GRID2: variants seen among roughly 807,000 people sequenced by gnomAD.
The protein encoded by GRID2 is glutamate ionotropic receptor delta type subunit 2.
In GRID2, 33 loss-of-function variants were observed where a neutral mutation model predicts 114.8. The ratio of observed to expected loss-of-function variants is 0.29; its 90% CI spans 0.22 to 0.38. The LOEUF (loss-of-function observed/expected upper bound fraction) is 0.38. Among genes scored for constraint, GRID2 ranks in the 10% least tolerant of loss-of-function variants. The probability of loss-of-function intolerance (pLI) is 1.00; values close to 1 mark genes in which losing one functional copy is unlikely to be tolerated. For missense variants in GRID2, 1,184 were observed against 1,257.7 expected (o/e 0.94, Z 0.89); for synonymous variants, 505 against 449.9 (o/e 1.12, Z -1.55).
intron 3 of GRID2, among the ~76,000 whole-genome samples, chr4:93,105,439 A>G (rs969839419): frequency 6.6e-6 from 1 of 152,140 alleles, no homozygotes; most frequent in Non-Finnish European, 1.5e-5. Flanking sequence ...TTATGGTTTT[A>G]GGTCTAACGT....
intron 13 of GRID2, among the ~76,000 whole-genome samples, chr4:93,593,568 G>A (rs375557054): frequency 4.0e-4 from 58 of 146,472 alleles, no homozygotes; most frequent in Non-Finnish European, 5.7e-4. Context: ...TCTTTGTGGC[G>A]TTCTCTGTAT....
chr4:93,429,263 A>G (rs532959915), intron 10 of GRID2, among the ~76,000 whole-genome samples: 2 of 152,320 alleles, frequency 1.3e-5, no homozygotes, highest in African/African-American at 2.4e-5. Context: ...CCATCCCTAT[A>G]AGGCTCACAG....
At chr4:92,698,583 T>C (rs116237971) in intron 2 of GRID2, among the ~76,000 whole-genome samples, 9 of 152,098 alleles carry the variant, frequency 5.9e-5, no homozygotes, top group African/African-American at 2.2e-4. Context: ...TTTTATACTT[T>C]TAGAAATGTC....
chr4:92,379,806 A>T (rs1196824906), intron 1 of GRID2, among the ~76,000 whole-genome samples: 1 of 152,034 alleles, frequency 6.6e-6, no homozygotes, highest in Admixed American at 6.6e-5. Context: ...AGATGGCTAG[A>T]GCTTATTTTA....
At chr4:92,394,365 T>A (rs1730392127) in intron 1 of GRID2, among the ~76,000 whole-genome samples, 2 of 152,208 alleles carry the variant, frequency 1.3e-5, no homozygotes, top group South Asian at 4.1e-4. Context: ...ACCATAATTT[T>A]AATAAAACTT....
intron 1 of GRID2, among the ~76,000 whole-genome samples, chr4:92,343,243 A>C (rs577272259): frequency 5.3e-4 from 81 of 151,848 alleles, no homozygotes; most frequent in Non-Finnish European, 1.2e-4. Context: ...CCAACTGCAA[A>C]AAAAAAAGCT....
intron 1 of GRID2, among the ~76,000 whole-genome samples, chr4:92,565,630 G>A (rs1397811604): frequency 1.3e-5 from 2 of 151,694 alleles, no homozygotes; most frequent in African/African-American, 4.8e-5. Flanking sequence ...ACTGGTATCT[G>A]ACTTCAGTTT....
rs1482576698 is a variant in GRID2, at chr4:93,134,804, T to G, written c.735+23851T>G. On this transcript the variant is annotated intron_variant, in intron 4 of 15. Transcript: ENST00000282020. ...TGGGTAGTAGAGGTCCCTTCACCAA[T>G]TCTACCCAGTGGCTATAAGAAGCAA... Among the ~76,000 whole-genome samples, 7 of 152,146 alleles carry G rather than the reference T, an allele frequency of 4.6e-5. No homozygotes were observed. In the East Asian group the frequency reaches 1.4e-3, roughly 29 times the overall value.
At chr4:92,619,451 TAGTA>T (rs1393996984) in intron 2 of GRID2, among the ~76,000 whole-genome samples, 1 of 151,710 alleles carries the variant, frequency 6.6e-6, no homozygotes, top group African/African-American at 2.4e-5. Context: ...AATTTCTGAC[TAGTA>T]TTCTAATCTG....
At chr4:93,598,100 A>G (rs1344144420) in intron 13 of GRID2, among the ~76,000 whole-genome samples, 1 of 152,160 alleles carries the variant, frequency 6.6e-6, no homozygotes, top group African/African-American at 2.4e-5. Context: ...ATACATGACA[A>G]CTATCCAAGT....
At chr4:93,619,532 T>G (rs1742020094) in intron 13 of GRID2, among the ~76,000 whole-genome samples, 1 of 152,224 alleles carries the variant, frequency 6.6e-6, no homozygotes, top group Admixed American at 6.5e-5. Context: ...TAGAATTTAT[T>G]TCCCTCACAT....
chr4:93,418,066 A>T, intron 9 of GRID2, among the ~76,000 whole-genome samples: 1 of 151,276 alleles, frequency 6.6e-6, no homozygotes, highest in East Asian at 1.9e-4. Flanking sequence ...GTATATAAGT[A>T]GCTCTGTATG....
intron 14 of GRID2, among the ~76,000 whole-genome samples, chr4:93,676,417 T>C (rs1437009230): frequency 6.6e-6 from 1 of 152,186 alleles, no homozygotes; most frequent in Non-Finnish European, 1.5e-5. Flanking sequence ...GCTTAGATAA[T>C]TTAATGTGCA....
intron 9 of GRID2, among the ~76,000 whole-genome samples, chr4:93,399,565 A>T (rs1765678800): frequency 1.3e-5 from 2 of 152,224 alleles, no homozygotes; most frequent in South Asian, 2.1e-4. Flanking sequence ...TACCTAGATG[A>T]CTTACATGAA....
At chr4:93,361,200 G>T (rs1761851393) in intron 8 of GRID2, among the ~76,000 whole-genome samples, 1 of 151,880 alleles carries the variant, frequency 6.6e-6, no homozygotes. Flanking sequence ...CATTTACTGA[G>T]GGTTACAGTT....
chr4:93,362,065 A>G (rs747093653), intron 8 of GRID2, among the ~76,000 whole-genome samples: 1 of 152,058 alleles, frequency 6.6e-6, no homozygotes, highest in African/African-American at 2.4e-5. Context: ...TCAACAGTCA[A>G]TCTTGATTTA....
intron 3 of GRID2, among the ~76,000 whole-genome samples, chr4:93,097,170 T>C (rs1055670006): frequency 2.0e-5 from 3 of 151,952 alleles, no homozygotes; most frequent in African/African-American, 7.2e-5. Context: ...AAATAACTTT[T>C]AGTGGTAATG....
At chr4:92,413,891 G>A (rs957653782) in intron 1 of GRID2, among the ~76,000 whole-genome samples, 1 of 152,086 alleles carries the variant, frequency 6.6e-6, no homozygotes, top group African/African-American at 2.4e-5. Context: ...ACACTAGATT[G>A]TGCTAGAGAA....
intron 8 of GRID2, among the ~76,000 whole-genome samples, chr4:93,278,625 T>C (rs1752326664): frequency 6.6e-6 from 1 of 151,944 alleles, no homozygotes; most frequent in Non-Finnish European, 1.5e-5. Context: ...TTTGAGTATA[T>C]AATGAATACA....
Sources: allele counts gnomAD v4.1 joint callset (sites outside exome capture counted in the v4.1 genomes callset), GRCh38; gene constraint gnomAD v4.1.1; transcripts MANE v1.5; gene names NCBI Gene and HGNC (gene_info 2026-07-23, HGNC 2026-07-21).